The following CSMD2 variants were observed in gnomAD, a reference collection of about 807,000 sequenced individuals.
The protein encoded by CSMD2 is CUB and sushi domain-containing protein 2.
CSMD2 carries 130 observed loss-of-function variants against 398.5 expected under a neutral mutation model. The ratio of observed to expected loss-of-function variants is 0.33; its 90% CI spans 0.28 to 0.38. CSMD2 has a LOEUF of 0.38. CSMD2 is among the 10% of genes least tolerant of loss of function. The pLI is 1.00. For missense variants in CSMD2, 3,829 were observed against 4,764.9 expected (o/e 0.80, Z 5.78); for synonymous variants, 1,828 against 1,908.5 (o/e 0.96, Z 1.10).
intron 1 of CSMD2, among the ~76,000 whole-genome samples, chr1:34,108,969 G>C (rs1660783848): frequency 6.6e-6 from 1 of 152,142 alleles, no homozygotes; most frequent in Non-Finnish European, 1.5e-5. Flanking sequence ...AAATCAGAAA[G>C]CATGAGGGCC....
At chr1:33,912,417 C>G (rs996227891) in intron 5 of CSMD2, among the ~76,000 whole-genome samples, 1 of 150,158 alleles carries the variant, frequency 6.7e-6, no homozygotes, top group Admixed American at 6.6e-5. Context: ...ATACACCCCC[C>G]CACACACACT....
At chr1:33,585,317 A>G (rs922475022) in intron 46 of CSMD2, among the ~76,000 whole-genome samples, 2 of 152,192 alleles carry the variant, frequency 1.3e-5, no homozygotes, top group Non-Finnish European at 2.9e-5. Flanking sequence ...AGGTAATGCT[A>G]TTTTGGGTAC....
intron 45 of CSMD2, 128 bp from the exon 46 acceptor site, chr1:33,586,745 C>T (rs1639104726): frequency 1.6e-6 from 1 of 643,296 alleles, no homozygotes; most frequent in Admixed American, 2.5e-5. Flanking sequence ...TAGCTCAGCT[C>T]CCATCAAATG....
intron 3 of CSMD2, among the ~76,000 whole-genome samples, chr1:33,963,461 A>G (rs1391493839): frequency 6.6e-6 from 1 of 152,250 alleles, no homozygotes; most frequent in Non-Finnish European, 1.5e-5. Context: ...TACATTTTAA[A>G]GTATGTATAC....
chr1:34,111,998 CTCTCTCTCTCTCTCTCTCTCTT>C (rs1404504297), intron 1 of CSMD2, among the ~76,000 whole-genome samples: 50 of 148,486 alleles, frequency 3.4e-4, no homozygotes, highest in South Asian at 2.1e-3. Context: ...CTCTCTCTCT[CTCTCTCTCTCTCTCTCTCTCTT>C]TCTCTCTCTT....
At chr1:33,710,575 C>T (rs1158334851) in intron 21 of CSMD2, among the ~76,000 whole-genome samples, 3 of 152,148 alleles carry the variant, frequency 2.0e-5, no homozygotes, top group East Asian at 1.9e-4. Context: ...ATCTTTCAGG[C>T]GGCTGGTAGC....
At chr1:34,018,180 A>G (rs4652982) in intron 3 of CSMD2, among the ~76,000 whole-genome samples, 34,195 of 152,126 alleles carry the variant, frequency 0.22, 4,527 homozygotes, top group East Asian at 0.57. Flanking sequence ...GTTTTTTCAC[A>G]GAAAATAATA....
intron 3 of CSMD2, among the ~76,000 whole-genome samples, chr1:33,940,534 T>C (rs931771612): frequency 1.8e-4 from 27 of 151,996 alleles, no homozygotes; most frequent in Non-Finnish European, 3.2e-4. Flanking sequence ...TTGTGGGATA[T>C]GGAGTATCCT....
chr1:33,698,033 G>A (rs1327013844), intron 24 of CSMD2, among the ~76,000 whole-genome samples: 3 of 152,218 alleles, frequency 2.0e-5, no homozygotes, highest in Non-Finnish European at 2.9e-5. Flanking sequence ...AAAGGTAGGA[G>A]GCAGGACGAA....
intron 13 of CSMD2, among the ~76,000 whole-genome samples, chr1:33,765,003 A>C (rs1246505571): frequency 6.6e-6 from 1 of 152,234 alleles, no homozygotes; most frequent in Admixed American, 6.5e-5. Flanking sequence ...GGTGACAAGC[A>C]ATGTATGCGA....
intron 4 of CSMD2, among the ~76,000 whole-genome samples, chr1:33,919,834 T>C (rs192763394): frequency 6.6e-6 from 1 of 152,254 alleles, no homozygotes; most frequent in East Asian, 1.9e-4. Context: ...CACTTATTCA[T>C]TCATTCATTT....
chr1:33,943,327 T>C (rs1157846596), intron 3 of CSMD2, among the ~76,000 whole-genome samples: 1 of 152,168 alleles, frequency 6.6e-6, no homozygotes, highest in African/African-American at 2.4e-5. Context: ...TCTCTACCTT[T>C]TCTCTCAAAT....
chr1:33,725,416 G>A lies in CSMD2; in HGVS notation c.2628C>T (p.Asn876=). Residue 876 remains asparagine (N), a synonymous_variant, in exon 17 of 71, where the codon AAC becomes AAT. Coordinates refer to ENST00000373381, the MANE Select transcript of CSMD2 (RefSeq NM_001281956.2). ...QVPQFLISTS[N]YLYLLFSTDK... is the part of the protein sequence containing the mutation. ...CGGTAGAGAAGAGGAGGTAGAGGTA[G>A]TTGCTGGTGCTGATGAGGAACTGGG... is the stretch of plus-strand genomic sequence containing the variant. 6.2e-7 allele frequency: 1 copy of A among 1,614,178 alleles called. No individual in the cohort carries two copies. The highest frequency in any genetic ancestry group is 8.5e-7 in the Non-Finnish European group (1 of 1,180,022).
intron 22 of CSMD2, among the ~76,000 whole-genome samples, chr1:33,701,348 C>G (rs1235562145): frequency 6.6e-6 from 1 of 152,198 alleles, no homozygotes; most frequent in Non-Finnish European, 1.5e-5. Context: ...CCATCTGTCC[C>G]CTGAACTTCT....
chr1:33,603,164 G>A (rs1367724195), intron 42 of CSMD2, among the ~76,000 whole-genome samples: 1 of 152,146 alleles, frequency 6.6e-6, no homozygotes, highest in Non-Finnish European at 1.5e-5. Flanking sequence ...TGGTGATGAG[G>A]TGAAACGATG....
intron 25 of CSMD2, among the ~76,000 whole-genome samples, chr1:33,682,754 G>T (rs1644947301): frequency 6.6e-6 from 1 of 152,128 alleles, no homozygotes; most frequent in African/African-American, 2.4e-5. Flanking sequence ...TCTAGAGGTT[G>T]CCTCTGCCTC....
chr1:33,641,995 C>T (rs971428124), intron 29 of CSMD2, among the ~76,000 whole-genome samples: 1 of 152,164 alleles, frequency 6.6e-6, no homozygotes, highest in Non-Finnish European at 1.5e-5. Context: ...TTGAATTAAG[C>T]CTGTTCCCTC....
intron 1 of CSMD2, among the ~76,000 whole-genome samples, chr1:34,127,147 G>A (rs989975061): frequency 6.6e-6 from 1 of 152,114 alleles, no homozygotes; most frequent in Non-Finnish European, 1.5e-5. Context: ...ACACCAAGAA[G>A]CCACGCACAG....
At chr1:33,958,409 T>C (rs565969194) in intron 3 of CSMD2, among the ~76,000 whole-genome samples, 58 of 152,150 alleles carry the variant, frequency 3.8e-4, no homozygotes, top group Middle Eastern at 6.3e-3. Flanking sequence ...CCCCTCCCTT[T>C]GGGTGTGAAT....
Sources: allele counts gnomAD v4.1 joint callset (sites outside exome capture counted in the v4.1 genomes callset), GRCh38; gene constraint gnomAD v4.1.1; transcripts MANE v1.5; gene names NCBI Gene and HGNC (gene_info 2026-07-23, HGNC 2026-07-21).